The following WDR89 variants were observed in gnomAD, a reference collection of about 807,000 sequenced individuals.
WDR89 encodes the protein WD repeat-containing protein 89.
In WDR89, 17 loss-of-function variants were observed where a neutral mutation model predicts 29.1. The observed-to-expected ratio is 0.58, with a 90% CI of 0.40 to 0.88. The LOEUF is 0.88. WDR89 is among the 40% of genes least tolerant of loss of function. WDR89 has a pLI of 0.00. For synonymous variants in WDR89, 138 were observed against 157.8 expected (o/e 0.87, Z 0.94); for missense variants, 396 against 456.3 (o/e 0.87, Z 1.20).
chr14:63,639,572 C>A (rs1018612784), intron 1 of WDR89, among the ~76,000 whole-genome samples: 11 of 152,144 alleles, frequency 7.2e-5, no homozygotes, highest in African/African-American at 2.7e-4. Context: ...TGGCGATAAT[C>A]TGTACATAAT....
intron 2 of WDR89, among the ~76,000 whole-genome samples, chr14:63,603,954 G>C (rs1895197348): frequency 6.6e-6 from 1 of 152,200 alleles, no homozygotes; most frequent in Non-Finnish European, 1.5e-5. Context: ...CAGGACTGCA[G>C]CAACAGCTGT....
In WDR89 at chr14:63,599,609, C is replaced by T. The variant is rs1894955511; in HGVS notation, c.334G>A (p.Gly112Ser). 1.2e-6 allele frequency: 2 copies of T among 1,613,986 alleles called. No homozygotes were observed. The highest frequency in any genetic ancestry group is 1.7e-6 in the Non-Finnish European group (2 of 1,179,992). Residue 112 changes from glycine (G) to serine (S), a missense_variant, in exon 3 of 3, where the codon GGT becomes AGT. Coordinates refer to ENST00000620954, the MANE Select transcript of WDR89 (RefSeq NM_080666.4). ...CTGATAAAAATATTGGAAGGGTAAC[C>T]CTTGAAGAGCTGAACAGGTTTTTCT... ...AREKPVQLFK[G>S]YPSNIFISFD...
At chr14:63,634,813 T>G (rs999909701) in intron 1 of WDR89, among the ~76,000 whole-genome samples, 2 of 144,964 alleles carry the variant, frequency 1.4e-5, no homozygotes, top group Non-Finnish European at 3.0e-5. Flanking sequence ...GAGGTTGCGG[T>G]GAGCCAAGAT....
chr14:63,640,938 A>G (rs73263634), intron 1 of WDR89, among the ~76,000 whole-genome samples: 16,939 of 149,978 alleles, frequency 0.11, 2,200 homozygotes, highest in African/African-American at 0.32. Context: ...TCTCTACTAA[A>G]AATACAAAAA....
At chr14:63,603,151 C>T (rs760691031) in intron 2 of WDR89, among the ~76,000 whole-genome samples, 1 of 152,058 alleles carries the variant, frequency 6.6e-6, no homozygotes, top group Non-Finnish European at 1.5e-5. Flanking sequence ...GGCATCACAG[C>T]TCATTAATTT....
chr14:63,613,676 A>G (rs1446240594), intron 2 of WDR89, among the ~76,000 whole-genome samples: 2 of 151,352 alleles, frequency 1.3e-5, no homozygotes, highest in African/African-American at 4.9e-5. Context: ...TAATTTTTGT[A>G]TTTTTAGTAG....
rs1216745206 is a variant in WDR89 at position 63,598,858 on chromosome 14, C to G, written c.1085G>C (p.Ser362Thr). Residue 362 changes from serine (S) to threonine (T), a missense_variant, in exon 3 of 3, where the codon AGT becomes ACT. Transcript: ENST00000620954. ...AIEKTFTKKESMKIASSVHQR... is the reference protein window; with the variant it reads ...AIEKTFTKKETMKIASSVHQR... The stretch of plus-strand genomic sequence containing the variant: ...GTGCACAGAGGATGCTATTTTCATA[C>G]TCTCTTTCTTTGTAAAGGTCTTCTC... 6.2e-7 allele frequency: 1 copy of G among 1,613,884 alleles called. No homozygotes were observed. Among genetic ancestry groups the G allele is most frequent in the African/African-American group, 1.3e-5 (1 of 74,910 alleles).
At chr14:63,633,686 T>TTA (rs1883547098) in intron 1 of WDR89, among the ~76,000 whole-genome samples, 1 of 152,212 alleles carries the variant, frequency 6.6e-6, no homozygotes, top group Non-Finnish European at 1.5e-5. Flanking sequence ...CACTTTGGTG[T>TTA]TATAATGAGG....
intron 2 of WDR89, among the ~76,000 whole-genome samples, chr14:63,600,269 G>A (rs545386071): frequency 3.3e-5 from 5 of 152,286 alleles, no homozygotes; most frequent in Admixed American, 3.3e-4. Flanking sequence ...TGAGGTAGGA[G>A]GACTGCTTGA....
chr14:63,615,876 A>G (rs1026425864), intron 2 of WDR89, among the ~76,000 whole-genome samples: 1 of 151,014 alleles, frequency 6.6e-6, no homozygotes, highest in African/African-American at 2.4e-5. Context: ...GTGAGCTGAG[A>G]TGGTGCCACT....
chr14:63,626,225 G>C (rs536830948), intron 1 of WDR89, among the ~76,000 whole-genome samples: 1 of 152,156 alleles, frequency 6.6e-6, no homozygotes, highest in Non-Finnish European at 1.5e-5. Flanking sequence ...TAAAAATATA[G>C]TTAAAATTGA....
intron 2 of WDR89, among the ~76,000 whole-genome samples, chr14:63,608,454 T>C (rs533524028): frequency 2.6e-5 from 4 of 152,328 alleles, no homozygotes; most frequent in Admixed American, 1.3e-4. Flanking sequence ...AATGTATTTA[T>C]ATTTTTGAAT....
chr14:63,602,364 G>A (rs1206437427), intron 2 of WDR89, among the ~76,000 whole-genome samples: 1 of 151,082 alleles, frequency 6.6e-6, no homozygotes, highest in African/African-American at 2.4e-5. Flanking sequence ...CCAGCTACTC[G>A]GGAGGCTGAG....
intron 2 of WDR89, among the ~76,000 whole-genome samples, chr14:63,600,656 T>A: frequency 7.7e-6 from 1 of 129,198 alleles, no homozygotes; most frequent in Non-Finnish European, 1.6e-5. Context: ...CACTTTGGAA[T>A]AATCTTCTCC....
At chr14:63,610,824 C>T (rs1595022497) in intron 2 of WDR89, among the ~76,000 whole-genome samples, 1 of 151,200 alleles carries the variant, frequency 6.6e-6, no homozygotes, top group Non-Finnish European at 1.5e-5. Flanking sequence ...GCCTTAGCCT[C>T]CTGAGTAGCT....
intron 1 of WDR89, among the ~76,000 whole-genome samples, chr14:63,633,329 A>C (rs553270045): frequency 6.6e-6 from 1 of 152,010 alleles, no homozygotes; most frequent in African/African-American, 2.4e-5. Context: ...TGCTACCCTA[A>C]TTCATCAAGC....
chr14:63,636,103 G>A (rs1883717871), intron 1 of WDR89, among the ~76,000 whole-genome samples: 1 of 152,124 alleles, frequency 6.6e-6, no homozygotes, highest in Admixed American at 6.5e-5. Flanking sequence ...CAGCTACTTG[G>A]GAGGCTCAGG....
In WDR89 at chr14:63,598,952, C is replaced by T. The variant is rs200346449; in HGVS notation, c.991G>A (p.Val331Met). ...AATVRSFCWN[V>M]QDDSLLTGGE... The stretch of plus-strand genomic sequence containing the variant: ...CCAGTCAACAAAGAATCATCTTGCA[C>T]ATTCCAACAGAAAGAACGGACTGTA... Residue 331 changes from valine to methionine, a missense_variant, in exon 3 of 3, where the codon GTG becomes ATG. Transcript: ENST00000620954. 7 of 1,614,068 alleles carry T rather than the reference C, an allele frequency of 4.3e-6. No homozygotes were observed. In the South Asian group the frequency reaches 7.7e-5, roughly 18 times the overall value.
At chr14:63,640,422 C>T (rs561630259) in intron 1 of WDR89, among the ~76,000 whole-genome samples, 48 of 152,224 alleles carry the variant, frequency 3.2e-4, no homozygotes, top group African/African-American at 1.2e-3. Context: ...ACTGCGATGT[C>T]TTTCCTCTAG....
Sources: gnomAD v4.1 joint callset for allele counts (sites outside exome capture counted in the v4.1 genomes callset) on GRCh38, gnomAD v4.1.1 for gene constraint, MANE v1.5 for transcripts, NCBI Gene and HGNC (gene_info 2026-07-23, HGNC 2026-07-21) for gene names.